ARFIP1: variants seen among roughly 807,000 people sequenced by gnomAD.
The protein encoded by ARFIP1 is arfaptin-1.
ARFIP1 carries 24 observed loss-of-function variants against 42.5 expected under a neutral mutation model. The ratio of observed to expected loss-of-function variants is 0.57; its 90% CI spans 0.41 to 0.80. The LOEUF is 0.80. Among genes scored for constraint, ARFIP1 ranks in the 30% least tolerant of loss-of-function variants. ARFIP1 has a pLI of 0.00. For synonymous variants in ARFIP1, 141 were observed against 153.7 expected (o/e 0.92, Z 0.61); for missense variants, 354 against 434.0 (o/e 0.82, Z 1.64).
At chr4:152,886,253 A>G (rs1207519517) in intron 7 of ARFIP1, among the ~76,000 whole-genome samples, 8 of 152,030 alleles carry the variant, frequency 5.3e-5, no homozygotes, top group African/African-American at 1.7e-4. Flanking sequence ...TCATCTTTCT[A>G]TCCTGATACA....
intron 2 of ARFIP1, among the ~76,000 whole-genome samples, chr4:152,847,157 G>A (rs1027776638): frequency 3.0e-5 from 1 of 33,152 alleles, no homozygotes; most frequent in Non-Finnish European, 6.3e-5. Flanking sequence ...TTGAGACAGA[G>A]TCTCACTCTG....
chr4:152,839,284 G>A (rs1427931512), intron 2 of ARFIP1, among the ~76,000 whole-genome samples: 2 of 152,140 alleles, frequency 1.3e-5, no homozygotes, highest in African/African-American at 4.8e-5. Context: ...TTAGGGTGAT[G>A]CTGGCTTCAT....
At chr4:152,863,133 C>G (rs982735512) in intron 2 of ARFIP1, among the ~76,000 whole-genome samples, 2 of 152,108 alleles carry the variant, frequency 1.3e-5, no homozygotes, top group African/African-American at 4.8e-5. Context: ...TTACCTCACC[C>G]TGATTGAAGT....
chr4:152,902,732 T>G (rs554485443), intron 8 of ARFIP1, among the ~76,000 whole-genome samples: 1 of 152,310 alleles, frequency 6.6e-6, no homozygotes, highest in African/African-American at 2.4e-5. Flanking sequence ...CCCTGAAATA[T>G]TTCCTGGAAC....
At chr4:152,909,430 T>G (rs537234323) in intron 8 of ARFIP1, among the ~76,000 whole-genome samples, 22 of 152,146 alleles carry the variant, frequency 1.4e-4, no homozygotes, top group Admixed American at 3.9e-4. Context: ...GGAAACAGTT[T>G]ATAAATCTTT....
intron 2 of ARFIP1, among the ~76,000 whole-genome samples, chr4:152,845,972 G>GA (rs1221333505): frequency 6.6e-6 from 1 of 152,172 alleles, no homozygotes; most frequent in Non-Finnish European, 1.5e-5. Context: ...ATTGGGTAAA[G>GA]AAAATGTGGT....
intron 1 of ARFIP1, among the ~76,000 whole-genome samples, chr4:152,826,275 ATAC>A: frequency 6.6e-6 from 1 of 152,342 alleles, no homozygotes; most frequent in East Asian, 1.9e-4. Flanking sequence ...ATACCATGGA[ATAC>A]TACTTAACAA....
intron 8 of ARFIP1, among the ~76,000 whole-genome samples, chr4:152,908,859 T>A (rs1488780378): frequency 3.3e-5 from 5 of 150,842 alleles, no homozygotes; most frequent in Admixed American, 3.3e-4. Context: ...CAGCTCAGTT[T>A]TGGAAATCAT....
rs752087233 is a variant in ARFIP1, at chr4:152,870,770, C to T, written c.220C>T (p.Leu74=). Residue 74 remains leucine, a synonymous_variant, in exon 4 of 9, where the codon CTG becomes TTG. Transcript: ENST00000353617. The part of the protein sequence containing the change: ...GAFQGSPAPP[L]PSVMSPSRVA... ...CTTTTCAGGTTCCCCAGCACCGCCA[C>T]TGCCATCTGTTATGTCTCCTAGCAG... 2.5e-6 allele frequency: 4 copies of T among 1,614,056 alleles called. No individual in the cohort carries two copies. The South Asian group carries it at 3.3e-5, about 13-fold the overall frequency.
At chr4:152,813,386 C>T (rs1451229443) in intron 1 of ARFIP1, among the ~76,000 whole-genome samples, 1 of 152,126 alleles carries the variant, frequency 6.6e-6, no homozygotes, top group African/African-American at 2.4e-5. Context: ...CTCTTGCTTT[C>T]TTATTCCTTT....
At chr4:152,881,906 CATT>C (rs1735878403) in intron 6 of ARFIP1, among the ~76,000 whole-genome samples, 1 of 152,086 alleles carries the variant, frequency 6.6e-6, no homozygotes, top group African/African-American at 2.4e-5. Context: ...TTTAATATTA[CATT>C]ATTTGTTTCA....
chr4:152,862,907 ATTT>A (rs1734006128), intron 2 of ARFIP1, among the ~76,000 whole-genome samples: 1 of 152,158 alleles, frequency 6.6e-6, no homozygotes, highest in Admixed American at 6.5e-5. Context: ...AAGCCCTGAG[ATTT>A]AATTTACAAA....
At chr4:152,815,085 C>T (rs1411772015) in intron 1 of ARFIP1, among the ~76,000 whole-genome samples, 2 of 152,144 alleles carry the variant, frequency 1.3e-5, no homozygotes, top group East Asian at 3.8e-4. Context: ...ACCTTACATG[C>T]CATTCTTTAT....
At chr4:152,811,405 G>C (rs1479173183) in intron 1 of ARFIP1, among the ~76,000 whole-genome samples, 1 of 152,092 alleles carries the variant, frequency 6.6e-6, no homozygotes, top group Non-Finnish European at 1.5e-5. Flanking sequence ...TGAGGCTTTG[G>C]AATAAGTTTT....
rs145458301 is a variant in ARFIP1 at position 152,840,641 on chromosome 4, T to C, written c.93+10915T>C. 5.1e-3 allele frequency among the ~76,000 whole-genome samples: 777 copies of C among 152,236 alleles called. 7 individuals carry two copies. The highest frequency in any genetic ancestry group is 0.018 in the African/African-American group (745 of 41,546). On this transcript the variant is annotated intron_variant, in intron 2 of 8. Coordinates refer to ENST00000353617, the MANE Select transcript of ARFIP1 (RefSeq NM_001025595.3). ...TCCTTTAAGTTTATCTGAGTCCTTATGTGTTAGGTGAGTCTCCTGAAGGCA... is the reference window on the plus strand; with the variant it reads ...TCCTTTAAGTTTATCTGAGTCCTTACGTGTTAGGTGAGTCTCCTGAAGGCA...
intron 2 of ARFIP1, among the ~76,000 whole-genome samples, chr4:152,844,204 G>A (rs1399692446): frequency 6.6e-6 from 1 of 152,202 alleles, no homozygotes; most frequent in Non-Finnish European, 1.5e-5. Flanking sequence ...CAGTGGGAGT[G>A]TGTTTGGGAG....
At position 152,888,124 on chromosome 4, in the gene ARFIP1, T is replaced by A. The variant is rs1424201520; in HGVS notation, c.792-9T>A. 6.3e-7 allele frequency: 1 copy of A among 1,588,290 alleles called. No individual in the cohort carries two copies. The highest frequency in any genetic ancestry group is 8.5e-7 in the Non-Finnish European group (1 of 1,170,534). ...TTGTAGTATGCTTCACTTACTCTCT[T>A]CTTTCCAGGATTGAATATGATGCAT... On this transcript the variant is annotated splice_polypyrimidine_tract_variant and intron_variant, in intron 7 of 8. Transcript: ENST00000353617.
At chr4:152,870,469 A>G (rs1401403525) in intron 3 of ARFIP1, among the ~76,000 whole-genome samples, 2 of 152,206 alleles carry the variant, frequency 1.3e-5, no homozygotes, top group Non-Finnish European at 2.9e-5. Context: ...TGGAAATAGT[A>G]GAGTCCAGTT....
intron 2 of ARFIP1, among the ~76,000 whole-genome samples, chr4:152,851,249 A>G (rs1200722781): frequency 6.6e-6 from 1 of 152,206 alleles, no homozygotes; most frequent in Non-Finnish European, 1.5e-5. Flanking sequence ...ATTAATTTTA[A>G]TACCATGTGA....
Sources: allele counts gnomAD v4.1 joint callset (sites outside exome capture counted in the v4.1 genomes callset), GRCh38; gene constraint gnomAD v4.1.1; transcripts MANE v1.5; gene names NCBI Gene and HGNC (gene_info 2026-07-23, HGNC 2026-07-21).